The following ROBO1 variants were observed in gnomAD, a reference collection of about 807,000 sequenced individuals.
The protein encoded by ROBO1 is roundabout guidance receptor 1, also known as roundabout homolog 1.
ROBO1 carries 149 observed loss-of-function variants against 195.9 expected under a neutral mutation model. The observed-to-expected ratio is 0.76, with a 90% CI of 0.67 to 0.87. ROBO1 has a LOEUF of 0.87. Among genes scored for constraint, ROBO1 ranks in the 40% least tolerant of loss-of-function variants. ROBO1 has a pLI of 0.00. For missense variants in ROBO1, 1,933 were observed against 2,068.3 expected, an observed-to-expected ratio of 0.93 and a Z score of 1.27; for synonymous variants, 816 against 733.2, an observed-to-expected ratio of 1.11 and a Z score of -1.82.
chr3:79,194,529 G>A (rs972980152), intron 2 of ROBO1, among the ~76,000 whole-genome samples: 1 of 151,580 alleles, frequency 6.6e-6, no homozygotes, highest in African/African-American at 2.4e-5. Flanking sequence ...GTTCTCAAGT[G>A]CCTGGCTTTC....
intron 5 of ROBO1, among the ~76,000 whole-genome samples, chr3:78,739,979 C>T (rs561720814): frequency 4.7e-4 from 72 of 152,200 alleles, no homozygotes; most frequent in African/African-American, 1.6e-3. Context: ...AATGCAAGTG[C>T]CCCCTTGGTT....
chr3:78,906,034 T>C (rs1388567481), intron 4 of ROBO1, among the ~76,000 whole-genome samples: 2 of 152,176 alleles, frequency 1.3e-5, no homozygotes, highest in African/African-American at 4.8e-5. Context: ...TCTAAGAATG[T>C]TATAAATGTG....
At chr3:79,045,418 C>T (rs2078572477) in intron 3 of ROBO1, among the ~76,000 whole-genome samples, 1 of 151,948 alleles carries the variant, frequency 6.6e-6, no homozygotes, top group African/African-American at 2.4e-5. Flanking sequence ...CCACTTTATA[C>T]AAAATTTTCC....
intron 27 of ROBO1, among the ~76,000 whole-genome samples, chr3:78,616,811 GATAA>G (rs1704140029): frequency 6.6e-6 from 1 of 152,082 alleles, no homozygotes; most frequent in African/African-American, 2.4e-5. Context: ...AAAATCATGT[GATAA>G]ATAAGTCTTA....
At chr3:79,039,564 G>A (rs766312931) in intron 3 of ROBO1, among the ~76,000 whole-genome samples, 16 of 152,050 alleles carry the variant, frequency 1.1e-4, no homozygotes, top group African/African-American at 1.9e-4. Context: ...TTGGGAGGCC[G>A]AGGTGGGCAG....
rs920180909 is a variant in ROBO1, at chr3:78,811,559, G to T, written c.500-64659C>A. ...ATATCTCTCAATTGCCCTGAAAATA[G>T]AATCCATGTTTTCGTTTGATGAGCA... On this transcript the variant is annotated intron_variant, in intron 4 of 30. Coordinates refer to ENST00000464233, the MANE Select transcript of ROBO1 (RefSeq NM_002941.4). Among the ~76,000 whole-genome samples, 11 of 152,164 alleles carry T rather than the reference G, an allele frequency of 7.2e-5. No individual in the cohort carries two copies. In the East Asian group the frequency reaches 2.1e-3, roughly 29 times the overall value.
chr3:79,423,779 C>T (rs1357706258), intron 2 of ROBO1, among the ~76,000 whole-genome samples: 1 of 152,082 alleles, frequency 6.6e-6, no homozygotes, highest in Non-Finnish European at 1.5e-5. Context: ...CGGAAATCCA[C>T]TAGAGATTCA....
rs1406163950 is a variant in ROBO1 at position 79,011,821 on chromosome 3, A to G, written c.173-72894T>C. Reference sequence around the variant, plus strand: ...CATTGAAATTGTAAGTTAAATCAAGAGATAACATATACCTGAAATGGCTTT... The same window carrying G: ...CATTGAAATTGTAAGTTAAATCAAGGGATAACATATACCTGAAATGGCTTT... On this transcript the variant is annotated intron_variant, in intron 3 of 30. Transcript: ENST00000464233. 1.6e-4 allele frequency among the ~76,000 whole-genome samples: 24 copies of G among 152,084 alleles called. 1 individual carries two copies. The highest frequency in any genetic ancestry group is 1.6e-3 in the Admixed American group (24 of 15,254).
At chr3:79,195,084 T>C (rs1341851817) in intron 2 of ROBO1, among the ~76,000 whole-genome samples, 2 of 151,634 alleles carry the variant, frequency 1.3e-5, no homozygotes, top group South Asian at 4.1e-4. Flanking sequence ...ATAGTGATTA[T>C]GACTTCAGGT....
intron 8 of ROBO1, among the ~76,000 whole-genome samples, chr3:78,714,103 G>A (rs2081836961): frequency 6.6e-6 from 1 of 152,092 alleles, no homozygotes; most frequent in Non-Finnish European, 1.5e-5. Context: ...TTGAAGACCT[G>A]GAGTTTAAAG....
intron 3 of ROBO1, among the ~76,000 whole-genome samples, chr3:79,047,976 C>T (rs1024975036): frequency 6.6e-6 from 1 of 152,088 alleles, no homozygotes; most frequent in Admixed American, 6.6e-5. Flanking sequence ...AGAAGCCTTG[C>T]CGTGGAAACT....
chr3:78,748,022 G>C (rs2082698450), intron 4 of ROBO1, among the ~76,000 whole-genome samples: 1 of 152,106 alleles, frequency 6.6e-6, no homozygotes, highest in Non-Finnish European at 1.5e-5. Flanking sequence ...CCTCCACCCT[G>C]CTTTCCTTGA....
chr3:79,108,788 A>G (rs2079831539), intron 3 of ROBO1, among the ~76,000 whole-genome samples: 2 of 151,864 alleles, frequency 1.3e-5, no homozygotes, highest in Non-Finnish European at 3.0e-5. Context: ...TATTCTAGGA[A>G]TGGTAATTTG....
intron 10 of ROBO1, among the ~76,000 whole-genome samples, chr3:78,675,299 G>A (rs1033101542): frequency 1.3e-5 from 2 of 152,114 alleles, no homozygotes; most frequent in African/African-American, 2.4e-5. Context: ...TCACTAGGGA[G>A]TGCCAGATAG....
At chr3:78,917,584 A>T (rs512135) in intron 4 of ROBO1, among the ~76,000 whole-genome samples, 55,550 of 151,924 alleles carry the variant, frequency 0.37, 10,594 homozygotes, top group Middle Eastern at 0.47. Context: ...AAAATCTGAA[A>T]TTCCATCATG....
chr3:79,020,124 AAGAG>A (rs2078068268), intron 3 of ROBO1, among the ~76,000 whole-genome samples: 1 of 152,120 alleles, frequency 6.6e-6, no homozygotes, highest in Non-Finnish European at 1.5e-5. Flanking sequence ...ATGTAATTTT[AAGAG>A]AGAGAGAAAC....
chr3:79,503,155 C>G (rs879157694), intron 2 of ROBO1, among the ~76,000 whole-genome samples: 1 of 152,090 alleles, frequency 6.6e-6, no homozygotes, highest in Non-Finnish European at 1.5e-5. Context: ...ACACTCACTG[C>G]GAAGGTTTGC....
intron 10 of ROBO1, among the ~76,000 whole-genome samples, chr3:78,683,095 C>T (rs1459038469): frequency 1.3e-5 from 2 of 151,250 alleles, no homozygotes; most frequent in Non-Finnish European, 2.9e-5. Flanking sequence ...AATATTTTAC[C>T]ACCAGATACA....
At chr3:79,309,535 G>C (rs918267605) in intron 2 of ROBO1, among the ~76,000 whole-genome samples, 1 of 152,104 alleles carries the variant, frequency 6.6e-6, no homozygotes, top group Non-Finnish European at 1.5e-5. Flanking sequence ...TAGCCTAGAA[G>C]GTTGAGGCTA....
Sources: gnomAD v4.1 joint callset for allele counts (sites outside exome capture counted in the v4.1 genomes callset) on GRCh38, gnomAD v4.1.1 for gene constraint, MANE v1.5 for transcripts, NCBI Gene and HGNC (gene_info 2026-07-23, HGNC 2026-07-21) for gene names.